CES2: variants seen among roughly 807,000 people sequenced by gnomAD.
CES2 encodes the protein carboxylesterase 2, also known as cocaine esterase.
CES2 carries 42 observed loss-of-function variants against 52.1 expected under a neutral mutation model. The ratio of observed to expected loss-of-function variants is 0.81; its 90% CI spans 0.63 to 1.04. The LOEUF is 1.04. Among genes scored for constraint, CES2 ranks in the 50% least tolerant of loss-of-function variants. The pLI, the probability that CES2 is intolerant of heterozygous loss-of-function variation, is 0.00. For missense variants in CES2, 656 were observed against 724.3 expected (o/e 0.91, Z 1.08); for synonymous variants, 277 against 289.6 (o/e 0.96, Z 0.44).
rs149179989 is a variant in CES2 at position 66,940,587 on chromosome 16, G to A, written c.708G>A (p.Ser236=). ...GESAGGTSVS[S]LVVSPISQGL... Reference sequence around the variant, plus strand: ...CTGCGGGTGGCACGAGTGTGTCTTCGCTTGTTGTGTCCCCCATATCCCAAG... The same window carrying A: ...CTGCGGGTGGCACGAGTGTGTCTTCACTTGTTGTGTCCCCCATATCCCAAG... The change falls in exon 5 of 12, where the codon TCG becomes TCA. Residue 236 remains serine, a synonymous_variant. Coordinates refer to ENST00000317091, the MANE Select transcript of CES2 (RefSeq NM_001365405.1). The A allele has an allele frequency of 3.0e-4, 489 of 1,614,088 alleles. No individual in the cohort carries two copies. The highest frequency in any genetic ancestry group is 3.8e-4 in the Non-Finnish European group (450 of 1,180,044).
In CES2 at chr16:66,938,139, G is replaced by A. The variant is rs1410880650; in HGVS notation, c.179G>A (p.Gly60Glu). The part of the protein sequence containing the change: ...GANAGVQTFL[G>E]IPFAKPPLGP... The stretch of plus-strand genomic sequence containing the variant: ...AATGCCGGGGTCCAAACCTTCCTGG[G>A]AATTCCATTTGCCAAGCCACCTCTA... Residue 60 changes from glycine to glutamate, a missense_variant, in exon 2 of 12, where the codon GGA becomes GAA. Gly to Glu is a moderately conservative substitution (Grantham distance 98, BLOSUM62 -2). Coordinates refer to ENST00000317091, the MANE Select transcript of CES2 (RefSeq NM_001365405.1). 2 of 1,614,026 alleles carry A rather than the reference G, an allele frequency of 1.2e-6. No individual in the cohort carries two copies. Among genetic ancestry groups the A allele is most frequent in the Non-Finnish European group, 1.7e-6 (2 of 1,180,018 alleles).
At chr16:66,942,300 T>A (rs1418120670) in intron 9 of CES2, 51 bp downstream of exon 9, 1 of 1,555,130 alleles carries the variant, frequency 6.4e-7, no homozygotes, top group South Asian at 1.2e-5. Context: ...CTCAGGGCTG[T>A]GGGTCCCAGG....
rs1567549734 is a variant in CES2, at chr16:66,943,111, T to G, written c.1421-188T>G. Among the ~76,000 whole-genome samples, 1 of 151,824 alleles carries G rather than the reference T, an allele frequency of 6.6e-6. No individual in the cohort carries two copies. Among genetic ancestry groups the G allele is most frequent in the African/African-American group, 2.4e-5 (1 of 41,330 alleles). On this transcript the variant is annotated intron_variant, in intron 10 of 11. Transcript: ENST00000317091. The surrounding 1 kb of genome is among the most constrained non-coding windows in gnomAD (Gnocchi z 4.2). ...TTTGGGGCCATGAAGGAGCCCAGGATGGAGTCAGCCAGAGCCTGGTCTACA... is the reference window on the plus strand; with the variant it reads ...TTTGGGGCCATGAAGGAGCCCAGGAGGGAGTCAGCCAGAGCCTGGTCTACA...
Position 66,935,536 on chromosome 16 carries a change from G to A in CES2, c.-100G>A, listed in dbSNP as rs774405563. 5.6e-6 allele frequency: 9 copies of A among 1,614,036 alleles called. No homozygotes were observed. In the African/African-American group the frequency reaches 9.3e-5, roughly 17 times the overall value. On this transcript the variant is annotated 5_prime_UTR_variant, in exon 1 of 12. Coordinates refer to ENST00000317091, the MANE Select transcript of CES2 (RefSeq NM_001365405.1). Reference sequence around the variant, plus strand: ...CTCCCTGCCCAGTCCAAACTCCAAGGCTGGGCAAGGCACTGATCCACTGCT... The same window carrying A: ...CTCCCTGCCCAGTCCAAACTCCAAGACTGGGCAAGGCACTGATCCACTGCT...
chr16:66,942,412 G>C (rs751354549), intron 9 of CES2, 163 bp downstream of exon 9: 1 of 868,454 alleles, frequency 1.2e-6, no homozygotes, highest in East Asian at 2.6e-5. Flanking sequence ...CCAAGAATCC[G>C]ACATTTCCCC....
intron 1 of CES2, 105 bp from the exon 2 acceptor site, chr16:66,937,932 G>T: frequency 1.1e-6 from 1 of 884,688 alleles, no homozygotes; most frequent in Non-Finnish European, 1.8e-6. Flanking sequence ...ACAGATCAGA[G>T]TCCCTTGAGC....
chr16:66,935,668 C>T lies in CES2; in HGVS notation c.33C>T (p.Ser11=), dbSNP rs767760548. Reference sequence around the variant, plus strand: ...TGCACAGACTTCGTGCGCGGCTGAGCGCGGTGGCCTGTGGGCTTCTGCTGC... The same window carrying T: ...TGCACAGACTTCGTGCGCGGCTGAGTGCGGTGGCCTGTGGGCTTCTGCTGC... MRLHRLRARL[S]AVACGLLLLL... Residue 11 remains serine (S), a synonymous_variant, in exon 1 of 12, where the codon AGC becomes AGT. Transcript: ENST00000317091. 4 of 1,602,754 alleles carry T rather than the reference C, an allele frequency of 2.5e-6. No homozygotes were observed. Among genetic ancestry groups the T allele is most frequent in the Non-Finnish European group, 2.5e-6 (3 of 1,179,858 alleles).
Position 66,940,245 on chromosome 16 carries a change from T to C in CES2, c.447T>C (p.Gly149=), listed in dbSNP as rs1457181522. 1.3e-6 allele frequency: 2 copies of C among 1,554,120 alleles called. No homozygotes were observed. Among genetic ancestry groups the C allele is most frequent in the Non-Finnish European group, 1.7e-6 (2 of 1,150,560 alleles). ...NLPVMVWIHG[G]ALVFGMASLY... ...AGGTGATGGTGTGGATCCACGGTGG[T>C]GCGCTTGTTTTTGGCATGGCTTCCT... Residue 149 remains glycine (G), a synonymous_variant, in exon 4 of 12, where the codon GGT becomes GGC. Coordinates refer to ENST00000317091, the MANE Select transcript of CES2 (RefSeq NM_001365405.1).
Position 66,935,661 on chromosome 16 carries a change from G to T in CES2, c.26G>T (p.Arg9Leu), listed in dbSNP as rs1170276250. The T allele has an allele frequency of 6.2e-7, 1 of 1,603,280 alleles. No homozygotes were observed. Among genetic ancestry groups the T allele is most frequent in the South Asian group, 1.1e-5 (1 of 91,072 alleles). Residue 9 changes from arginine (R) to leucine (L), a missense_variant, in exon 1 of 12, where the codon CGG becomes CTG. Arg to Leu is a moderately radical substitution (Grantham distance 102, BLOSUM62 -2). Coordinates refer to ENST00000317091, the MANE Select transcript of CES2 (RefSeq NM_001365405.1). The stretch of plus-strand genomic sequence containing the variant: ...ATGCGGCTGCACAGACTTCGTGCGC[G>T]GCTGAGCGCGGTGGCCTGTGGGCTT... MRLHRLRA[R>L]LSAVACGLLL...
At chr16:66,935,743 G>A (rs1257437746) in intron 1 of CES2, 32 bp downstream of exon 1, 5 of 1,598,762 alleles carry the variant, frequency 3.1e-6, no homozygotes, top group East Asian at 2.2e-5. Context: ...GACAGGGACC[G>A]GGCTCAGATC....
At chr16:66,941,479 G>T (rs1364291940) in intron 6 of CES2, 27 bp from the exon 7 acceptor site, 1 of 1,612,556 alleles carries the variant, frequency 6.2e-7, no homozygotes, top group Non-Finnish European at 8.5e-7. Flanking sequence ...ACCTGACCTT[G>T]TTCCCTGACC....
chr16:66,935,788 G>C (rs769055756), intron 1 of CES2, 77 bp downstream of exon 1: 6 of 1,594,768 alleles, frequency 3.8e-6, no homozygotes, highest in South Asian at 1.1e-5. Flanking sequence ...CTGACAGTGC[G>C]GGAGGGCAGG....
intron 2 of CES2, among the ~76,000 whole-genome samples, chr16:66,939,002 C>T (rs1963286669): frequency 6.6e-6 from 1 of 152,208 alleles, no homozygotes; most frequent in African/African-American, 2.4e-5. Flanking sequence ...CCAAGGTCCT[C>T]AGTAACCTCG....
intron 1 of CES2, among the ~76,000 whole-genome samples, chr16:66,937,411 A>T (rs540295649): frequency 1.3e-5 from 2 of 152,168 alleles, no homozygotes; most frequent in South Asian, 4.1e-4. Flanking sequence ...CTTGTCCTTG[A>T]TTTTCATCTA....
In CES2 at chr16:66,938,213, G is replaced by A. The variant is rs765280065; in HGVS notation, c.253G>A (p.Val85Met). The stretch of plus-strand genomic sequence containing the variant: ...TGAGCCCCCTGAATCTTGGAGTGGT[G>A]TGAGGGATGGAACCACCCATCCGGC... ...PPEPPESWSG[V>M]RDGTTHPAMC... Residue 85 changes from valine to methionine, a missense_variant, in exon 2 of 12, where the codon GTG (valine) becomes ATG (methionine). By Grantham distance (21) the Val-to-Met change is conservative. Coordinates refer to ENST00000317091, the MANE Select transcript of CES2 (RefSeq NM_001365405.1). The A allele has an allele frequency of 6.2e-7, 1 of 1,614,102 alleles. No homozygotes were observed. The highest frequency in any genetic ancestry group is 1.7e-5 in the Admixed American group (1 of 60,018).
At position 66,944,139 on chromosome 16, in the gene CES2, TCATTCATACTTCCGTCCATC is replaced by T; in HGVS notation, c.*121_*140del. The T allele has an allele frequency of 1.9e-6, 1 of 528,708 alleles. No homozygotes were observed. The highest frequency in any genetic ancestry group is 3.2e-5 in the South Asian group (1 of 31,060). 32.8% of individuals were successfully genotyped at this position (528,708 alleles called of 1,614,324 possible). On this transcript the variant is annotated 3_prime_UTR_variant, in exon 12 of 12. Coordinates refer to ENST00000317091, the MANE Select transcript of CES2 (RefSeq NM_001365405.1). ...TTGATTCCTTCATTCACTTCGCCAT[TCATTCATACTTCCGTCCATC>T]CATTCAGAAAGCATTTATTAAGAAT... is the stretch of plus-strand genomic sequence containing the variant.
chr16:66,943,998 G>T lies in CES2; in HGVS notation c.1653G>T (p.Glu551Asp), dbSNP rs571336812. ...ALPQKIQELE[E>D]PEERHTEL ...CCCAAAAGATCCAGGAGCTCGAGGA[G>T]CCTGAAGAGAGACACACAGAGCTGT... The change falls in exon 12 of 12, where the codon GAG becomes GAT. Residue 551 changes from glutamate (E) to aspartate (D), a missense_variant. Coordinates refer to ENST00000317091, the MANE Select transcript of CES2 (RefSeq NM_001365405.1). The surrounding 1 kb of genome is among the most constrained non-coding windows in gnomAD (Gnocchi z 4.2). The T allele has an allele frequency of 1.9e-6, 3 of 1,570,006 alleles. No homozygotes were observed. The highest frequency in any genetic ancestry group is 1.2e-5 in the South Asian group (1 of 86,474).
chr16:66,938,468 G>A (rs1344446457), intron 2 of CES2: 2 of 574,350 alleles, frequency 3.5e-6, no homozygotes, highest in Non-Finnish European at 6.2e-6. Context: ...AGAAGACATT[G>A]GCTCCAGGTG....
At position 66,943,829 on chromosome 16, in the gene CES2, A is replaced by G. The variant is rs1212401827; in HGVS notation, c.1494-10A>G. 6.3e-7 allele frequency: 1 copy of G among 1,580,096 alleles called. No homozygotes were observed. The highest frequency in any genetic ancestry group is 1.3e-5 in the African/African-American group (1 of 74,272). ...CCTCATACTGCCCTGCTGGGATGGC[A>G]TGTCTACAGGAACCCCAATGGCGAG... On this transcript the variant is annotated splice_polypyrimidine_tract_variant and intron_variant, in intron 11 of 11. Coordinates refer to ENST00000317091, the MANE Select transcript of CES2 (RefSeq NM_001365405.1). This position sits in a 1 kb window ranked among gnomAD's most constrained non-coding sequence, Gnocchi z 4.2.
Sources: gnomAD v4.1 joint callset for allele counts (sites outside exome capture counted in the v4.1 genomes callset) on GRCh38, gnomAD v4.1.1 for gene constraint, Gnocchi (gnomAD v3.1) non-coding constraint, MANE v1.5 for transcripts, NCBI Gene and HGNC (gene_info 2026-07-23, HGNC 2026-07-21) for gene names.